The following TSPAN13 variants were observed in gnomAD, a reference collection of about 807,000 sequenced individuals.
The protein encoded by TSPAN13 is tetraspanin-13.
In TSPAN13, 18 loss-of-function variants were observed where a neutral mutation model predicts 26.9. The ratio of observed to expected loss-of-function variants is 0.67; its 90% CI spans 0.46 to 0.99. The LOEUF is 0.99. Among genes scored for constraint, TSPAN13 ranks in the 50% least tolerant of loss-of-function variants. The pLI is 0.00. For synonymous variants in TSPAN13, 116 were observed against 98.4 expected (o/e 1.18, Z -1.06); for missense variants, 201 against 249.6 (o/e 0.81, Z 1.31).
intron 1 of TSPAN13, among the ~76,000 whole-genome samples, chr7:16,771,733 G>A (rs567602464): frequency 1.3e-5 from 2 of 152,336 alleles, no homozygotes. Flanking sequence ...ATACATTTGT[G>A]TTATTTTAAG....
chr7:16,776,980 T>C (rs988800401), intron 2 of TSPAN13, 62 bp from the exon 3 acceptor site: 1 of 1,182,264 alleles, frequency 8.5e-7, no homozygotes, highest in African/African-American at 1.5e-5. Flanking sequence ...TCAGTACCTC[T>C]GTACCTCTGT....
At chr7:16,773,723 T>C (rs1784708620) in intron 1 of TSPAN13, among the ~76,000 whole-genome samples, 1 of 152,238 alleles carries the variant, frequency 6.6e-6, no homozygotes, top group Non-Finnish European at 1.5e-5. Context: ...AAGGATGTAG[T>C]ATAATTCCCA....
Position 16,753,794 on chromosome 7 carries a change from C to T in TSPAN13, c.-174C>T, listed in dbSNP as rs562922758. Reference sequence around the variant, plus strand: ...GCGGCCGCAGGTTCCAAAGCGGGTCCGAGCCGCCGCCGCGCGCGCGCCGCG... The same window carrying T: ...GCGGCCGCAGGTTCCAAAGCGGGTCTGAGCCGCCGCCGCGCGCGCGCCGCG... On this transcript the variant is annotated 5_prime_UTR_variant, in exon 1 of 6. Transcript: ENST00000262067. 4 of 511,434 alleles carry T rather than the reference C, an allele frequency of 7.8e-6. No homozygotes were observed. Among genetic ancestry groups the T allele is most frequent in the Non-Finnish European group, 9.9e-6 (3 of 304,112 alleles). 31.7% of individuals were successfully genotyped at this position (511,434 alleles called of 1,614,324 possible).
chr7:16,772,150 C>A (rs1357930083), intron 1 of TSPAN13, among the ~76,000 whole-genome samples: 1 of 151,968 alleles, frequency 6.6e-6, no homozygotes, highest in African/African-American at 2.4e-5. Flanking sequence ...CTCATTTTGC[C>A]GAAACGATGA....
intron 1 of TSPAN13, among the ~76,000 whole-genome samples, chr7:16,758,087 G>A (rs866565): frequency 0.01 from 1,544 of 152,010 alleles, 31 homozygotes; most frequent in African/African-American, 0.035. Context: ...CACCCGCCTC[G>A]GTCTCCCAAA....
intron 1 of TSPAN13, among the ~76,000 whole-genome samples, chr7:16,759,194 G>A (rs970779822): frequency 6.6e-6 from 1 of 152,146 alleles, no homozygotes; most frequent in Non-Finnish European, 1.5e-5. Context: ...AACAGTGTAC[G>A]AAAGGTGTTA....
chr7:16,772,453 C>T (rs1382660599), intron 1 of TSPAN13, among the ~76,000 whole-genome samples: 3 of 152,168 alleles, frequency 2.0e-5, no homozygotes, highest in Non-Finnish European at 4.4e-5. Flanking sequence ...CAGGCTCTCT[C>T]AGGGACCTGG....
intron 5 of TSPAN13, among the ~76,000 whole-genome samples, chr7:16,780,147 T>A (rs1784799503): frequency 6.6e-6 from 1 of 152,058 alleles, no homozygotes; most frequent in East Asian, 1.9e-4. Context: ...TTGCTTAGGC[T>A]GGAGTGTAGT....
At chr7:16,763,474 C>T (rs577921328) in intron 1 of TSPAN13, among the ~76,000 whole-genome samples, 6 of 152,274 alleles carry the variant, frequency 3.9e-5, no homozygotes, top group Middle Eastern at 3.4e-3. Context: ...TCAAGGGGCT[C>T]GAAGTCGCTC....
chr7:16,784,466 A>G lies in TSPAN13; in HGVS notation c.*975A>G, dbSNP rs2115341829. ...CTCTGTATATTCTGTTAAAAAATTA[A>G]AGGACAGAAACCTTTCTTTGTGTAT... On this transcript the variant is annotated 3_prime_UTR_variant, in exon 6 of 6. Transcript: ENST00000262067. 6.6e-6 allele frequency: 1 copy of G among 152,352 alleles called. No individual in the cohort carries two copies. The highest frequency in any genetic ancestry group is 2.1e-4 in the South Asian group (1 of 4,832). The allele number at this position is 152,352 out of a possible 1,614,324, so 9.4% of individuals were successfully genotyped here.
chr7:16,755,938 C>A (rs1198545207), intron 1 of TSPAN13, among the ~76,000 whole-genome samples: 1 of 152,068 alleles, frequency 6.6e-6, no homozygotes, highest in Non-Finnish European at 1.5e-5. Context: ...AATAGCTATG[C>A]AGTAAAACTT....
At chr7:16,769,045 C>G (rs952231063) in intron 1 of TSPAN13, among the ~76,000 whole-genome samples, 1 of 151,966 alleles carries the variant, frequency 6.6e-6, no homozygotes, top group Non-Finnish European at 1.5e-5. Flanking sequence ...AGGCTGGTCT[C>G]GAACTCCTGA....
intron 1 of TSPAN13, among the ~76,000 whole-genome samples, chr7:16,766,348 C>T (rs706058): frequency 6.6e-6 from 1 of 152,256 alleles, no homozygotes; most frequent in South Asian, 2.1e-4. Flanking sequence ...ACAGTTGATT[C>T]TATGTTTTCT....
intron 1 of TSPAN13, among the ~76,000 whole-genome samples, chr7:16,759,447 T>C (rs1473908411): frequency 6.6e-6 from 1 of 152,076 alleles, no homozygotes; most frequent in Admixed American, 6.6e-5. Context: ...AACTCACTTA[T>C]CACTGAGGGG....
At chr7:16,764,767 T>A (rs1358028481) in intron 1 of TSPAN13, among the ~76,000 whole-genome samples, 1 of 152,122 alleles carries the variant, frequency 6.6e-6, no homozygotes, top group East Asian at 1.9e-4. Context: ...ATCTCAGTGT[T>A]AAAAATTTCT....
intron 5 of TSPAN13, among the ~76,000 whole-genome samples, chr7:16,780,101 TTTTA>T (rs1413765562): frequency 6.7e-6 from 1 of 149,966 alleles, no homozygotes; most frequent in African/African-American, 2.4e-5. Context: ...TATTTATTTA[TTTTA>T]TTTATTTATT....
intron 5 of TSPAN13, among the ~76,000 whole-genome samples, chr7:16,779,483 C>T (rs1028090148): frequency 5.9e-5 from 9 of 151,944 alleles, no homozygotes; most frequent in Non-Finnish European, 1.3e-4. Context: ...CTATAATACA[C>T]AGACATACAT....
At chr7:16,754,561 C>T (rs1784461160) in intron 1 of TSPAN13, among the ~76,000 whole-genome samples, 2 of 152,230 alleles carry the variant, frequency 1.3e-5, no homozygotes, top group Admixed American at 6.5e-5. Flanking sequence ...AGGATGTCCG[C>T]TGCTTCCGAA....
chr7:16,781,397 T>A (rs1468814308), intron 5 of TSPAN13, among the ~76,000 whole-genome samples: 1 of 152,208 alleles, frequency 6.6e-6, no homozygotes, highest in Non-Finnish European at 1.5e-5. Flanking sequence ...GAGTGTAGGT[T>A]CTAGAGACCG....
Sources: allele counts gnomAD v4.1 joint callset (sites outside exome capture counted in the v4.1 genomes callset), GRCh38; gene constraint gnomAD v4.1.1; transcripts MANE v1.5; gene names NCBI Gene and HGNC (gene_info 2026-07-23, HGNC 2026-07-21).